Variants in SYN3 observed in about 807,000 individuals in gnomAD.
SYN3 encodes synapsin III.
Under a neutral mutation model 65.8 loss-of-function variants are expected in SYN3, and 35 were observed. That is an observed-to-expected ratio of 0.53 (90% CI 0.41 to 0.70). The LOEUF is 0.70. SYN3 is among the 30% of genes least tolerant of loss of function. The pLI is 0.00. For missense variants in SYN3, 680 were observed against 749.0 expected, an observed-to-expected ratio of 0.91 and a Z score of 1.08; for synonymous variants, 270 against 292.9, an observed-to-expected ratio of 0.92 and a Z score of 0.80.
At chr22:32,971,705 A>G (rs1347414375) in intron 3 of SYN3, among the ~76,000 whole-genome samples, 2 of 152,214 alleles carry the variant, frequency 1.3e-5, no homozygotes, top group Non-Finnish European at 2.9e-5. Flanking sequence ...ACCTCTATGG[A>G]AAGTAATTTT....
chr22:33,046,229 G>T (rs933430678), intron 1 of SYN3, among the ~76,000 whole-genome samples: 1 of 152,164 alleles, frequency 6.6e-6, no homozygotes, highest in African/African-American at 2.4e-5. Flanking sequence ...ACTTTCATAC[G>T]TTGTTGATGG....
intron 6 of SYN3, among the ~76,000 whole-genome samples, chr22:32,796,872 C>T (rs2046441931): frequency 6.6e-6 from 1 of 152,158 alleles, no homozygotes; most frequent in Non-Finnish European, 1.5e-5. Context: ...GTTCCCAGAC[C>T]GCCCTAAGGC....
intron 1 of SYN3, among the ~76,000 whole-genome samples, chr22:33,037,272 G>A (rs1055520733): frequency 2.2e-4 from 34 of 152,106 alleles, no homozygotes; most frequent in African/African-American, 7.5e-4. Context: ...TCACTTGCCC[G>A]CTTGCTGCCC....
chr22:32,912,722 A>T (rs1290873607), intron 4 of SYN3, among the ~76,000 whole-genome samples: 2 of 76,442 alleles, frequency 2.6e-5, no homozygotes, highest in East Asian at 9.8e-4. Flanking sequence ...CCTTTTCTCT[A>T]AAAAAAAAAA....
intron 6 of SYN3, among the ~76,000 whole-genome samples, chr22:32,621,925 T>G (rs1418916888): frequency 6.6e-6 from 1 of 151,992 alleles, no homozygotes; most frequent in Non-Finnish European, 1.5e-5. Context: ...AGGTGAGCCT[T>G]GCTGGGTCCC....
At chr22:32,967,259 G>C (rs2051876701) in intron 3 of SYN3, among the ~76,000 whole-genome samples, 1 of 152,210 alleles carries the variant, frequency 6.6e-6, no homozygotes, top group Non-Finnish European at 1.5e-5. Context: ...AACTCCCTGA[G>C]ATGAGGGGGC....
At chr22:32,770,344 C>G (rs2045735633) in intron 6 of SYN3, among the ~76,000 whole-genome samples, 1 of 152,152 alleles carries the variant, frequency 6.6e-6, no homozygotes. Context: ...CTCTTCTGCT[C>G]AATGCTCTGC....
intron 6 of SYN3, among the ~76,000 whole-genome samples, chr22:32,674,433 G>A (rs1223801486): frequency 2.0e-5 from 3 of 152,312 alleles, no homozygotes; most frequent in Admixed American, 6.5e-5. Flanking sequence ...CTTTGCTTCT[G>A]TTGCTCTCTT....
At chr22:32,642,951 A>G (rs1030607863) in intron 6 of SYN3, among the ~76,000 whole-genome samples, 3 of 152,220 alleles carry the variant, frequency 2.0e-5, no homozygotes, top group African/African-American at 7.2e-5. Context: ...TCTACCTAAA[A>G]GTTATACTTG....
At chr22:32,777,770 T>C (rs73156494) in intron 6 of SYN3, among the ~76,000 whole-genome samples, 20,664 of 152,204 alleles carry the variant, frequency 0.14, 1,436 homozygotes, top group Middle Eastern at 0.2. Context: ...TCTTCATATT[T>C]ACTTAGTATT....
At chr22:32,724,517 G>A (rs1226013061) in intron 6 of SYN3, among the ~76,000 whole-genome samples, 2 of 152,200 alleles carry the variant, frequency 1.3e-5, no homozygotes, top group African/African-American at 2.4e-5. Context: ...TTAATAAAAT[G>A]AGGGACAGTA....
chr22:32,751,102 C>G (rs1042960083), intron 6 of SYN3, among the ~76,000 whole-genome samples: 1 of 152,056 alleles, frequency 6.6e-6, no homozygotes, highest in Admixed American at 6.5e-5. Flanking sequence ...GCCCCCAGCC[C>G]CCAGCCCCCA....
chr22:32,892,574 G>C (rs1196059153), intron 4 of SYN3, among the ~76,000 whole-genome samples: 1 of 152,224 alleles, frequency 6.6e-6, no homozygotes, highest in Non-Finnish European at 1.5e-5. Context: ...GCATGGGAGA[G>C]AGAGATGTAT....
intron 6 of SYN3, among the ~76,000 whole-genome samples, chr22:32,683,015 A>G (rs996833644): frequency 6.6e-6 from 1 of 152,190 alleles, no homozygotes; most frequent in African/African-American, 2.4e-5. Flanking sequence ...TCTTGAAAAT[A>G]TCTACATTAG....
intron 6 of SYN3, among the ~76,000 whole-genome samples, chr22:32,771,331 T>C (rs1360802899): frequency 6.6e-6 from 1 of 152,204 alleles, no homozygotes; most frequent in African/African-American, 2.4e-5. Flanking sequence ...ATTCTGAAAG[T>C]TGAGTACCGG....
chr22:32,650,279 C>CTTTTTTTTGTTTTTT (rs1371405589), intron 6 of SYN3, among the ~76,000 whole-genome samples: 1 of 111,818 alleles, frequency 8.9e-6, no homozygotes, highest in African/African-American at 3.6e-5. Flanking sequence ...CTCTCTCTTT[C>CTTTTTTTTGTTTTTT]TTTTTGAGAC....
intron 6 of SYN3, among the ~76,000 whole-genome samples, chr22:32,811,270 G>A (rs1008086771): frequency 1.3e-4 from 20 of 152,146 alleles, no homozygotes; most frequent in Non-Finnish European, 1.5e-5. Context: ...CAGGTGGAGA[G>A]GTCGCAAAAT....
At chr22:32,751,877 A>G (rs78165060) in intron 6 of SYN3, among the ~76,000 whole-genome samples, 4,839 of 152,310 alleles carry the variant, frequency 0.032, 145 homozygotes, top group African/African-American at 0.074. Context: ...TTTAGTGAGC[A>G]CTTACTATGT....
At chr22:32,856,723 G>C (rs1226789831) in intron 6 of SYN3, among the ~76,000 whole-genome samples, 4 of 152,118 alleles carry the variant, frequency 2.6e-5, no homozygotes, top group African/African-American at 7.2e-5. Flanking sequence ...ATTGTTTACT[G>C]TAGTCATTCT....
Sources: allele counts gnomAD v4.1 joint callset (sites outside exome capture counted in the v4.1 genomes callset), GRCh38; gene constraint gnomAD v4.1.1; transcripts MANE v1.5; gene names NCBI Gene and HGNC (gene_info 2026-07-23, HGNC 2026-07-21).